The following PARD6B variants were observed in gnomAD, a reference collection of about 807,000 sequenced individuals.
PARD6B encodes par-6 family cell polarity regulator beta.
In PARD6B, 4 loss-of-function variants were observed where a neutral mutation model predicts 10.5. The observed-to-expected ratio is 0.38, with a 90% CI of 0.19 to 0.87. PARD6B has a LOEUF of 0.87. PARD6B is among the 40% of genes least tolerant of loss of function. PARD6B has a pLI of 0.41. For synonymous variants in PARD6B, 169 were observed against 170.4 expected, an observed-to-expected ratio of 0.99 and a Z score of 0.07; for missense variants, 396 against 470.6, an observed-to-expected ratio of 0.84 and a Z score of 1.47.
At chr20:50,732,059 A>G (rs564723104) in intron 1 of PARD6B, among the ~76,000 whole-genome samples, 8 of 152,242 alleles carry the variant, frequency 5.3e-5, no homozygotes, top group Non-Finnish European at 1.0e-4. Flanking sequence ...TGGCCCGGGC[A>G]GGAAGAAGAC....
At position 50,751,108 on chromosome 20, in the gene PARD6B, C is replaced by A; in HGVS notation, c.*620C>A. 6.2e-6 allele frequency: 3 copies of A among 480,490 alleles called. No individual in the cohort carries two copies. The highest frequency in any genetic ancestry group is 8.1e-6 in the Non-Finnish European group (3 of 369,906). The allele number at this position is 480,490 out of a possible 1,614,324, so 29.8% of individuals were successfully genotyped here. A position where few individuals can be genotyped will look rare whatever the true frequency, so the allele number is the denominator to read the frequency against. On this transcript the variant is annotated 3_prime_UTR_variant, in exon 3 of 3. Coordinates refer to ENST00000371610, the MANE Select transcript of PARD6B (RefSeq NM_032521.3). ...CCTCAGCCTCCTGAGTAGCTGGGAC[C>A]ATAGGCACATACCACCACATCTGTC...
rs575005213 is a variant in PARD6B, at chr20:50,751,199, G to T, written c.*711G>T. ...TGCCCAAGTTGGTCTTGAACTCCTG[G>T]GCTTAAGCAGTCCTGCCTCGGCTTC... On this transcript the variant is annotated 3_prime_UTR_variant, in exon 3 of 3. Transcript: ENST00000371610. 2.3e-6 allele frequency: 2 copies of T among 884,892 alleles called. No individual in the cohort carries two copies. Among genetic ancestry groups the T allele is most frequent in the South Asian group, 1.0e-4 (2 of 19,208 alleles). 54.8% of individuals were successfully genotyped at this position (884,892 alleles called of 1,614,324 possible). A position where few individuals can be genotyped will look rare whatever the true frequency, so the allele number is the denominator to read the frequency against.
At chr20:50,747,489 C>CTTTTTTTTTTTTTTTTTTTT (rs58629233) in intron 2 of PARD6B, among the ~76,000 whole-genome samples, 5 of 33,352 alleles carry the variant, frequency 1.5e-4, no homozygotes, top group Non-Finnish European at 2.6e-4. Context: ...TTCTTTCTTT[C>CTTTTTTTTTTTTTTTTTTTT]TTTTTTTTTT....
intron 1 of PARD6B, 58 bp downstream of exon 1, chr20:50,731,910 G>T: frequency 7.6e-7 from 1 of 1,320,698 alleles, no homozygotes; most frequent in Non-Finnish European, 9.6e-7. Context: ...GCCTGGGAGA[G>T]GCCGGGCCAG....
intron 1 of PARD6B, among the ~76,000 whole-genome samples, chr20:50,732,090 A>G (rs2087474730): frequency 1.3e-5 from 2 of 152,020 alleles, no homozygotes; most frequent in Non-Finnish European, 2.9e-5. Context: ...ATTTAATCTC[A>G]TTCCGTAAAT....
chr20:50,753,565 C>A lies in PARD6B; in HGVS notation c.*3077C>A. ...GAATTTTCTAATTAAATTTTACATG[C>A]TATAACATGATTTTTACATGAATGA... On this transcript the variant is annotated 3_prime_UTR_variant, in exon 3 of 3. Transcript: ENST00000371610. 1.2e-6 allele frequency: 1 copy of A among 866,968 alleles called. No individual in the cohort carries two copies. Among genetic ancestry groups the A allele is most frequent in the Non-Finnish European group, 1.4e-6 (1 of 721,886 alleles). The allele number at this position is 866,968 out of a possible 1,614,324, so 53.7% of individuals were successfully genotyped here.
Position 50,751,106 on chromosome 20 carries a change from A to C in PARD6B, c.*618A>C. 1 of 487,460 alleles carries C rather than the reference A, an allele frequency of 2.1e-6. No individual in the cohort carries two copies. The highest frequency in any genetic ancestry group is 2.7e-6 in the Non-Finnish European group (1 of 376,190). 30.2% of individuals were successfully genotyped at this position (487,460 alleles called of 1,614,324 possible). On this transcript the variant is annotated 3_prime_UTR_variant, in exon 3 of 3. Coordinates refer to ENST00000371610, the MANE Select transcript of PARD6B (RefSeq NM_032521.3). Reference sequence around the variant, plus strand: ...CACCTCAGCCTCCTGAGTAGCTGGGACCATAGGCACATACCACCACATCTG... The same window carrying C: ...CACCTCAGCCTCCTGAGTAGCTGGGCCCATAGGCACATACCACCACATCTG...
chr20:50,739,210 G>A (rs2087516174), intron 2 of PARD6B, among the ~76,000 whole-genome samples: 1 of 152,052 alleles, frequency 6.6e-6, no homozygotes, highest in African/African-American at 2.4e-5. Context: ...ACTTTGGGAG[G>A]TGGAGGCGGG....
rs201394798 is a variant in PARD6B at position 50,750,700 on chromosome 20, C to T, written c.*212C>T. 4 of 1,253,762 alleles carry T rather than the reference C, an allele frequency of 3.2e-6. No individual in the cohort carries two copies. Among genetic ancestry groups the T allele is most frequent in the African/African-American group, 4.2e-5 (2 of 48,008 alleles). The allele number at this position is 1,253,762 out of a possible 1,614,324, so 77.7% of individuals were successfully genotyped here. On this transcript the variant is annotated 3_prime_UTR_variant, in exon 3 of 3. Transcript: ENST00000371610. ...GAATTTAAGTCCAAAACAAAGGGGC[C>T]TTTGCTGATGAAGTTACGTGCTTTT...
chr20:50,750,954 ATTT>A lies in PARD6B; in HGVS notation c.*496_*498del, dbSNP rs565068464. 3,047 of 386,380 alleles carry A rather than the reference ATTT, an allele frequency of 7.9e-3. 3 individuals carry two copies. The highest frequency in any genetic ancestry group is 9.4e-3 in the South Asian group (56 of 5,968). The allele number at this position is 386,380 out of a possible 1,614,324, so 23.9% of individuals were successfully genotyped here. On this transcript the variant is annotated 3_prime_UTR_variant, in exon 3 of 3. Transcript: ENST00000371610. ...CTCATGTTCCCAATATTTTATTTTGATTTTTTTTTTTTTTTTTTTTTTTTTTTT... is the reference window on the plus strand; with the variant it reads ...CTCATGTTCCCAATATTTTATTTTGATTTTTTTTTTTTTTTTTTTTTTTTT...
chr20:50,738,616 C>T (rs1361963171), intron 2 of PARD6B, among the ~76,000 whole-genome samples: 4 of 152,142 alleles, frequency 2.6e-5, no homozygotes, highest in Admixed American at 6.6e-5. Flanking sequence ...AAGTGCAGTG[C>T]CCTGGCTTAT....
Position 50,753,142 on chromosome 20 carries a change from G to A in PARD6B, c.*2654G>A, listed in dbSNP as rs894704316. On this transcript the variant is annotated 3_prime_UTR_variant, in exon 3 of 3. Transcript: ENST00000371610. ...AAACTACTTCAGGGCTTGACTTTTT[G>A]TACAAATTTTAACTGTAAAATACAG... 13 of 983,572 alleles carry A rather than the reference G, an allele frequency of 1.3e-5. No individual in the cohort carries two copies. Among genetic ancestry groups the A allele is most frequent in the African/African-American group, 3.5e-5 (2 of 56,616 alleles). 60.9% of individuals were successfully genotyped at this position (983,572 alleles called of 1,614,324 possible).
intron 2 of PARD6B, among the ~76,000 whole-genome samples, chr20:50,749,129 G>A (rs532580248): frequency 7.9e-5 from 12 of 152,318 alleles, no homozygotes; most frequent in Non-Finnish European, 1.5e-4. Context: ...GGATCATGAG[G>A]TCAGGAAATC....
At chr20:50,738,953 CTT>C (rs879530771) in intron 2 of PARD6B, among the ~76,000 whole-genome samples, 3 of 145,486 alleles carry the variant, frequency 2.1e-5, no homozygotes, top group Non-Finnish European at 3.0e-5. Flanking sequence ...AGTCCTAAAA[CTT>C]TTTTTTTTTA....
At chr20:50,744,361 A>G (rs1029603658) in intron 2 of PARD6B, among the ~76,000 whole-genome samples, 1 of 151,634 alleles carries the variant, frequency 6.6e-6, no homozygotes, top group African/African-American at 2.4e-5. Context: ...TAATCCGCCC[A>G]CCTCGGCCTG....
Position 50,752,475 on chromosome 20 carries a change from C to G in PARD6B, c.*1987C>G, listed in dbSNP as rs760736187. The G allele has an allele frequency of 1.3e-4, 131 of 985,436 alleles. No homozygotes were observed. The highest frequency in any genetic ancestry group is 1.5e-4 in the Non-Finnish European group (127 of 829,830). 61.0% of individuals were successfully genotyped at this position (985,436 alleles called of 1,614,324 possible). A position where few individuals can be genotyped will look rare whatever the true frequency, so the allele number is the denominator to read the frequency against. On this transcript the variant is annotated 3_prime_UTR_variant, in exon 3 of 3. Coordinates refer to ENST00000371610, the MANE Select transcript of PARD6B (RefSeq NM_032521.3). ...GGCTATTTATTACTTTCCAATGCAT[C>G]CACTTAGAACAAGCTAAGAGTAAGG...
chr20:50,737,127 C>T (rs1032439582), intron 1 of PARD6B, among the ~76,000 whole-genome samples: 9 of 152,140 alleles, frequency 5.9e-5, no homozygotes, highest in African/African-American at 2.2e-4. Flanking sequence ...TGTCTTCCTC[C>T]CCATTCCGCC....
intron 1 of PARD6B, 116 bp from the exon 2 acceptor site, chr20:50,737,741 T>A (rs1271341986): frequency 4.3e-6 from 3 of 702,726 alleles, no homozygotes; most frequent in Non-Finnish European, 6.7e-6. Context: ...ATAGACAATC[T>A]TTCCTTAATT....
chr20:50,746,169 G>A (rs558343403), intron 2 of PARD6B, among the ~76,000 whole-genome samples: 2 of 151,916 alleles, frequency 1.3e-5, no homozygotes, highest in African/African-American at 4.8e-5. Flanking sequence ...CTCTGAATGT[G>A]TGGTTTATGA....
Sources: allele counts gnomAD v4.1 joint callset (sites outside exome capture counted in the v4.1 genomes callset), GRCh38; gene constraint gnomAD v4.1.1; transcripts MANE v1.5; gene names NCBI Gene and HGNC (gene_info 2026-07-23, HGNC 2026-07-21).